The following HEXB variants were observed in gnomAD, a reference collection of about 807,000 sequenced individuals.
HEXB encodes the protein hexosaminidase subunit beta.
A neutral mutation model predicts 71.2 loss-of-function variants in HEXB; 51 were observed. The observed-to-expected ratio is 0.72, with a 90% confidence interval of 0.57 to 0.90. The LOEUF is 0.90. Among genes scored for constraint, HEXB ranks in the 40% least tolerant of loss-of-function variants. HEXB has a pLI of 0.00. For missense variants in HEXB, 617 were observed against 677.0 expected (o/e 0.91, Z 0.98); for synonymous variants, 266 against 249.3 (o/e 1.07, Z -0.63).
upstream of HEXB, among the ~76,000 whole-genome samples, chr5:74,683,528 T>C (rs907494442): frequency 3.3e-5 from 5 of 152,162 alleles, no homozygotes; most frequent in Admixed American, 3.3e-4. Context: ...GGTCTCGAAC[T>C]CCTGGCCTTA....
At chr5:74,697,418 A>G (rs1173897785) in intron 5 of HEXB, among the ~76,000 whole-genome samples, 1 of 152,150 alleles carries the variant, frequency 6.6e-6, no homozygotes, top group Non-Finnish European at 1.5e-5. Context: ...TCATGTGTCT[A>G]GACTTTTGAT....
rs1157430135 is a variant in HEXB, at chr5:74,641,752, G to A, written c.-377+1194G>A. On this transcript the variant is annotated intron_variant, in intron 1 of 13. Coordinates refer to the HEXB transcript ENST00000511181. The surrounding 1 kb of genome is among the most constrained non-coding windows in gnomAD (Gnocchi z 4.1). ...AATCCCATTTATCTTTGCAACTAGA[G>A]GCTTGTCTTTCCACTGGGAGTTAAA... Among the ~76,000 whole-genome samples, 1 of 152,180 alleles carries A rather than the reference G, an allele frequency of 6.6e-6. No individual in the cohort carries two copies. Among genetic ancestry groups the A allele is most frequent in the Non-Finnish European group, 1.5e-5 (1 of 68,038 alleles).
chr5:74,680,573 G>T (rs1404559985), upstream of HEXB, among the ~76,000 whole-genome samples: 1 of 152,184 alleles, frequency 6.6e-6, no homozygotes, highest in African/African-American at 2.4e-5. Context: ...GGGAGAAAGG[G>T]AATGTGTTTT....
intron 1 of HEXB, among the ~76,000 whole-genome samples, chr5:74,648,529 A>G (rs1464298374): frequency 6.6e-6 from 1 of 151,134 alleles, no homozygotes; most frequent in East Asian, 1.9e-4. Context: ...GCTTTACCCC[A>G]CAGTTATATT....
At chr5:74,719,495 T>C (rs151336578) in intron 11 of HEXB, among the ~76,000 whole-genome samples, 5 of 152,328 alleles carry the variant, frequency 3.3e-5, no homozygotes, top group Non-Finnish European at 5.9e-5. Context: ...ACATTCTAGT[T>C]TGTCCAATTT....
chr5:74,690,650 A>C (rs1748979674), intron 2 of HEXB, among the ~76,000 whole-genome samples: 1 of 926 alleles, frequency 1.1e-3, no homozygotes, highest in South Asian at 0.038. Flanking sequence ...AGACAGTCTC[A>C]AAAAAAAAAA....
chr5:74,659,730 A>T (rs569043336), intron 1 of HEXB, among the ~76,000 whole-genome samples: 2 of 152,310 alleles, frequency 1.3e-5, no homozygotes, highest in African/African-American at 4.8e-5. Flanking sequence ...CAATCAGCCA[A>T]CACTTAACTC....
intron 1 of HEXB, among the ~76,000 whole-genome samples, chr5:74,671,393 T>C: frequency 6.6e-6 from 1 of 151,738 alleles, no homozygotes; most frequent in South Asian, 2.1e-4. Flanking sequence ...TCAAAATAAT[T>C]ATGCTGAGTA....
In HEXB at chr5:74,718,962, G is replaced by GCA. The variant is rs1208761835; in HGVS notation, c.1408_1409insCA (p.Asp470AlafsTer61). On this transcript the variant is annotated frameshift_variant, in exon 11 of 14. Coordinates refer to ENST00000261416, the MANE Select transcript of HEXB (RefSeq NM_000521.4). LOFTEE classifies it high-confidence loss of function. The stretch of plus-strand genomic sequence containing the variant: ...GAAATACTATAAAGTGGAACCTCTT[G>GCA]ATTTTGGCGGTAAGTGAAGCAGTTG... The GCA allele has an allele frequency of 6.2e-7, 1 of 1,613,970 alleles. No individual in the cohort carries two copies. Among genetic ancestry groups the GCA allele is most frequent in the Non-Finnish European group, 8.5e-7 (1 of 1,179,996 alleles).
chr5:74,650,172 T>C (rs914572621), intron 1 of HEXB, among the ~76,000 whole-genome samples: 5 of 152,240 alleles, frequency 3.3e-5, no homozygotes, highest in African/African-American at 9.6e-5. Flanking sequence ...ATGCAAAGCA[T>C]GCTGTCAGTG....
rs575647952 is a variant in HEXB, at chr5:74,666,610, G to T, written c.-376-22718G>T. 2.0e-5 allele frequency among the ~76,000 whole-genome samples: 3 copies of T among 152,258 alleles called. No individual in the cohort carries two copies. In the South Asian group the frequency reaches 6.2e-4, roughly 32 times the overall value. On this transcript the variant is annotated intron_variant, in intron 1 of 13. Transcript: ENST00000511181. The stretch of plus-strand genomic sequence containing the variant: ...GCCCCCAAAGTCACAGCCCTAAGAG[G>T]CCCTGCCCACACTGCAGAGCAGCAG...
At chr5:74,692,334 C>CA (rs916578254) in intron 2 of HEXB, among the ~76,000 whole-genome samples, 3,573 of 52,366 alleles carry the variant, frequency 0.068, 79 homozygotes, top group African/African-American at 0.1. Context: ...CCTGTCTCTA[C>CA]AAAAAAAAAA....
intron 1 of HEXB, among the ~76,000 whole-genome samples, chr5:74,672,413 G>C (rs1191418595): frequency 6.6e-6 from 1 of 152,192 alleles, no homozygotes; most frequent in Non-Finnish European, 1.5e-5. Context: ...ACTTCCACCA[G>C]TGCCAGCTGC....
intron 1 of HEXB, among the ~76,000 whole-genome samples, chr5:74,642,669 C>T (rs1019217585): frequency 4.6e-5 from 7 of 151,422 alleles, no homozygotes; most frequent in African/African-American, 1.7e-4. Context: ...ATGTACATAG[C>T]TCAGCTGGTT....
At chr5:74,672,246 T>C (rs1156888180) in intron 1 of HEXB, among the ~76,000 whole-genome samples, 1 of 152,206 alleles carries the variant, frequency 6.6e-6, no homozygotes, top group African/African-American at 2.4e-5. Flanking sequence ...CTTGCTCCAA[T>C]AGGGCAGCCC....
chr5:74,668,316 T>A (rs1199762580), intron 1 of HEXB, among the ~76,000 whole-genome samples: 1 of 152,090 alleles, frequency 6.6e-6, no homozygotes, highest in Non-Finnish European at 1.5e-5. Flanking sequence ...TCAGTTCTGT[T>A]TTTTTATAAC....
At chr5:74,697,754 G>C (rs867449971) in intron 5 of HEXB, among the ~76,000 whole-genome samples, 1 of 145,340 alleles carries the variant, frequency 6.9e-6, no homozygotes, top group South Asian at 2.2e-4. Context: ...AAAGGAATAC[G>C]TGGCCACCAC....
chr5:74,660,953 G>A (rs570974769), intron 1 of HEXB, among the ~76,000 whole-genome samples: 28 of 152,164 alleles, frequency 1.8e-4, no homozygotes, highest in East Asian at 9.7e-4. Context: ...AAAAGACACC[G>A]GGCATAACAG....
At chr5:74,645,882 C>G (rs1339021034) in intron 1 of HEXB, among the ~76,000 whole-genome samples, 1 of 152,132 alleles carries the variant, frequency 6.6e-6, no homozygotes, top group Non-Finnish European at 1.5e-5. Flanking sequence ...AGAAGAGCCG[C>G]AAACCTATCA....
Sources: allele counts gnomAD v4.1 joint callset (sites outside exome capture counted in the v4.1 genomes callset), GRCh38; gene constraint gnomAD v4.1.1; non-coding constraint Gnocchi (gnomAD v3.1); transcripts MANE v1.5; gene names NCBI Gene and HGNC (gene_info 2026-07-23, HGNC 2026-07-21).